Variants in FBLN7 observed in about 807,000 individuals in gnomAD.
FBLN7 encodes fibulin-7.
Under a neutral mutation model 44.0 loss-of-function variants are expected in FBLN7, and 31 were observed. That is an observed-to-expected ratio of 0.70 (90% CI 0.53 to 0.95). The LOEUF (loss-of-function observed/expected upper bound fraction) is 0.95, where lower values mean the gene tolerates loss of function less well. Among genes scored for constraint, FBLN7 ranks in the 40% least tolerant of loss-of-function variants. The pLI is 0.00. For missense variants in FBLN7, 573 were observed against 618.5 expected, an observed-to-expected ratio of 0.93 and a Z score of 0.78; for synonymous variants, 262 against 253.4, an observed-to-expected ratio of 1.03 and a Z score of -0.32.
chr2:112,183,749 G>T (rs1378270802), intron 6 of FBLN7, among the ~76,000 whole-genome samples: 1 of 152,176 alleles, frequency 6.6e-6, no homozygotes, highest in African/African-American at 2.4e-5. Context: ...GGGCCGGGTT[G>T]AGGTTTCTGA....
At chr2:112,157,420 A>G (rs1266983877) in intron 1 of FBLN7, among the ~76,000 whole-genome samples, 1 of 152,112 alleles carries the variant, frequency 6.6e-6, no homozygotes, top group East Asian at 1.9e-4. Context: ...GCCTATCCCT[A>G]AAGATAACCA....
At chr2:112,175,984 ATCCCTCTGGTT>A in intron 4 of FBLN7, 145 bp downstream of exon 4, 1 of 1,037,716 alleles carries the variant, frequency 9.6e-7, no homozygotes, top group Admixed American at 3.0e-5. Flanking sequence ...ACATCCACCG[ATCCCTCTGGTT>A]TTCTAAGGTG....
chr2:112,192,593 G>A (rs1021326537), downstream of FBLN7, among the ~76,000 whole-genome samples: 6 of 152,162 alleles, frequency 3.9e-5, no homozygotes, highest in Non-Finnish European at 5.9e-5. Flanking sequence ...ACTAGCAAAC[G>A]AAAAGAAAAA....
chr2:112,144,493 T>C (rs1332183407), intron 1 of FBLN7, among the ~76,000 whole-genome samples: 1 of 151,776 alleles, frequency 6.6e-6, no homozygotes, highest in African/African-American at 2.4e-5. Flanking sequence ...CTTTTTGTTT[T>C]TGCTTTTGTT....
At chr2:112,178,247 AC>A (rs1573822423) in intron 4 of FBLN7, among the ~76,000 whole-genome samples, 1 of 141,928 alleles carries the variant, frequency 7.0e-6, no homozygotes, top group African/African-American at 2.5e-5. Context: ...TTAGAAAAGT[AC>A]AAGAAATACA....
chr2:112,154,679 C>T (rs1458607047), intron 1 of FBLN7, among the ~76,000 whole-genome samples: 2 of 152,218 alleles, frequency 1.3e-5, no homozygotes, highest in African/African-American at 2.4e-5. Context: ...CATCCCATAG[C>T]CCCTCACAGC....
chr2:112,145,166 G>A (rs554302199), intron 1 of FBLN7, among the ~76,000 whole-genome samples: 3 of 152,174 alleles, frequency 2.0e-5, no homozygotes, highest in East Asian at 1.9e-4. Flanking sequence ...ATCTCATTGC[G>A]GTTTTAATTT....
At chr2:112,167,832 A>G (rs1682238146) in intron 3 of FBLN7, among the ~76,000 whole-genome samples, 1 of 127,302 alleles carries the variant, frequency 7.9e-6, no homozygotes, top group African/African-American at 3.0e-5. Context: ...AAAACAGTAG[A>G]CAGATGTATG....
chr2:112,160,724 ACACGCACGCACACGCACACACGCG>A (rs1681751219), intron 2 of FBLN7, among the ~76,000 whole-genome samples: 1 of 136,840 alleles, frequency 7.3e-6, no homozygotes, highest in African/African-American at 2.9e-5. Flanking sequence ...AAGCACGCGC[ACACGCACGCACACGCACACACGCG>A]CACGCACACA....
chr2:112,197,224 C>T, the FBLN7 span, among the ~76,000 whole-genome samples: 5 of 112,614 alleles, frequency 4.4e-5, no homozygotes, highest in African/African-American at 1.6e-4. Flanking sequence ...GACTGGCATC[C>T]GTAAGAGAAA....
chr2:112,222,490 T>C, the FBLN7 span, among the ~76,000 whole-genome samples: 2 of 152,132 alleles, frequency 1.3e-5, no homozygotes, highest in Admixed American at 6.5e-5. Flanking sequence ...ACAATATGGA[T>C]GAATCTTGAG....
chr2:112,148,163 G>A (rs188872060), intron 1 of FBLN7, among the ~76,000 whole-genome samples: 20 of 152,316 alleles, frequency 1.3e-4, no homozygotes, highest in Admixed American at 3.3e-4. Flanking sequence ...GGCCTGGGAA[G>A]TCAGCCCATC....
At chr2:112,175,954 T>G in intron 4 of FBLN7, 115 bp downstream of exon 4, 7 of 1,313,204 alleles carry the variant, frequency 5.3e-6, no homozygotes, top group Non-Finnish European at 7.2e-6. Context: ...CTCAAAGATG[T>G]AGCTTTTCCT....
At chr2:112,238,326 T>C in the FBLN7 span, 1 of 1,613,400 alleles carries the variant, frequency 6.2e-7, no homozygotes. Flanking sequence ...CTGTGGGGTA[T>C]CTTTTACTCC....
intron 6 of FBLN7, among the ~76,000 whole-genome samples, chr2:112,184,635 G>A (rs1322082385): frequency 1.0e-5 from 1 of 97,320 alleles, no homozygotes; most frequent in Admixed American, 1.1e-4. Context: ...AAAAAAGTGT[G>A]TGTATATATA....
At chr2:112,222,501 G>GAC in the FBLN7 span, among the ~76,000 whole-genome samples, 1 of 152,172 alleles carries the variant, frequency 6.6e-6, no homozygotes, top group African/African-American at 2.4e-5. Context: ...GAATCTTGAG[G>GAC]ACATTATGCT....
intron 1 of FBLN7, among the ~76,000 whole-genome samples, chr2:112,156,601 G>A (rs1208692821): frequency 2.0e-5 from 3 of 152,216 alleles, no homozygotes; most frequent in South Asian, 2.1e-4. Context: ...GGGCAGGTAC[G>A]GGGTTGCAGG....
the FBLN7 span, among the ~76,000 whole-genome samples, chr2:112,223,708 T>C: frequency 6.6e-6 from 1 of 152,008 alleles, no homozygotes; most frequent in Admixed American, 6.5e-5. Context: ...ACTGATATAA[T>C]CTAGAAAATA....
the FBLN7 span, among the ~76,000 whole-genome samples, chr2:112,219,687 C>T: frequency 5.3e-5 from 8 of 151,622 alleles, no homozygotes; most frequent in East Asian, 3.9e-4. Flanking sequence ...ATTTTATGCC[C>T]GGGTGTATGG....
Sources: allele counts gnomAD v4.1 joint callset (sites outside exome capture counted in the v4.1 genomes callset), GRCh38; gene constraint gnomAD v4.1.1; transcripts MANE v1.5; gene names NCBI Gene and HGNC (gene_info 2026-07-23, HGNC 2026-07-21).